The following SGCZ variants were observed in gnomAD, a reference collection of about 807,000 sequenced individuals.
SGCZ encodes the protein sarcoglycan zeta.
SGCZ carries 40 observed loss-of-function variants against 41.3 expected under a neutral mutation model. The observed-to-expected ratio is 0.97, with a 90% confidence interval of 0.75 to 1.26. The LOEUF (loss-of-function observed/expected upper bound fraction) is 1.26. Ranked by LOEUF, SGCZ falls within the 50% of genes most tolerant of loss-of-function variation. The pLI is 0.00. For synonymous variants in SGCZ, 206 were observed against 137.5 expected (o/e 1.50, Z -3.49); for missense variants, 552 against 369.8 (o/e 1.49, Z -4.04).
At chr8:14,593,902 C>T (rs1315646775) in intron 1 of SGCZ, among the ~76,000 whole-genome samples, 5 of 152,180 alleles carry the variant, frequency 3.3e-5, no homozygotes, top group Non-Finnish European at 7.4e-5. Context: ...AGGGCAGGTG[C>T]CGTGGCTCAT....
intron 3 of SGCZ, among the ~76,000 whole-genome samples, chr8:14,242,197 G>T (rs1172721778): frequency 6.6e-6 from 1 of 152,178 alleles, no homozygotes; most frequent in Non-Finnish European, 1.5e-5. Flanking sequence ...GGTGTTTCAG[G>T]TAAGGATTTA....
At chr8:14,262,019 G>A (rs766911724) in intron 3 of SGCZ, among the ~76,000 whole-genome samples, 8 of 152,072 alleles carry the variant, frequency 5.3e-5, no homozygotes, top group African/African-American at 1.2e-4. Context: ...ATTTAAGCAC[G>A]ACAAAATAGG....
intron 1 of SGCZ, among the ~76,000 whole-genome samples, chr8:14,695,961 T>C (rs1380200512): frequency 3.9e-5 from 6 of 152,192 alleles, no homozygotes; most frequent in East Asian, 1.9e-4. Context: ...ACCTTCCAAA[T>C]TGCTTCTACA....
At chr8:14,784,448 T>G (rs1013275735) in intron 1 of SGCZ, among the ~76,000 whole-genome samples, 2 of 152,048 alleles carry the variant, frequency 1.3e-5, no homozygotes, top group Non-Finnish European at 2.9e-5. Context: ...TTTGTCATAC[T>G]TAAAAAATAG....
intron 1 of SGCZ, among the ~76,000 whole-genome samples, chr8:14,794,377 A>G (rs985974868): frequency 7.9e-5 from 12 of 152,294 alleles, no homozygotes; most frequent in African/African-American, 2.4e-4. Flanking sequence ...AGGATTATAT[A>G]AAAGAAAAGA....
At chr8:14,458,334 T>C (rs1800807931) in intron 2 of SGCZ, among the ~76,000 whole-genome samples, 1 of 152,186 alleles carries the variant, frequency 6.6e-6, no homozygotes, top group African/African-American at 2.4e-5. Context: ...TTTTACTGGA[T>C]ATCATAATGC....
intron 2 of SGCZ, among the ~76,000 whole-genome samples, chr8:14,520,970 G>C (rs1802771424): frequency 1.3e-5 from 2 of 152,106 alleles, no homozygotes; most frequent in Non-Finnish European, 2.9e-5. Flanking sequence ...GAAGATAGCA[G>C]TATATAATTG....
chr8:14,261,354 T>C (rs894530732), intron 3 of SGCZ, among the ~76,000 whole-genome samples: 1 of 152,170 alleles, frequency 6.6e-6, no homozygotes, highest in Non-Finnish European at 1.5e-5. Flanking sequence ...AAACAAAAAA[T>C]TCAGCGTAGG....
chr8:14,476,352 A>G (rs1467136105), intron 2 of SGCZ, among the ~76,000 whole-genome samples: 4 of 152,130 alleles, frequency 2.6e-5, no homozygotes, highest in Non-Finnish European at 5.9e-5. Context: ...GTGGGCCTCC[A>G]TAATAATGAA....
chr8:15,161,479 CAGGGCTG>C (rs965747579), intron 1 of SGCZ, among the ~76,000 whole-genome samples: 4 of 152,220 alleles, frequency 2.6e-5, no homozygotes, highest in Admixed American at 6.5e-5. Context: ...TCATGAGGGC[CAGGGCTG>C]TATGTGTTTT....
chr8:15,040,597 G>C (rs1395398884), intron 1 of SGCZ, among the ~76,000 whole-genome samples: 1 of 152,144 alleles, frequency 6.6e-6, no homozygotes, highest in East Asian at 1.9e-4. Context: ...CTCCAGCCTG[G>C]GCAACAAGAG....
rs532438172 is a variant in SGCZ at position 14,271,982 on chromosome 8, C to G, written c.337-34303G>C. Among the ~76,000 whole-genome samples the G allele has an allele frequency of 1.8e-3, 279 of 152,178 alleles. 2 individuals are homozygous for G. The highest frequency in any genetic ancestry group is 2.7e-3 in the Non-Finnish European group (184 of 68,006). On this transcript the variant is annotated intron_variant, in intron 3 of 7. Coordinates refer to ENST00000382080, the MANE Select transcript of SGCZ (RefSeq NM_139167.4). ...TGGACAAATTTTCATATATTGCATG[C>G]TTTCATTCACTTACCAATGCCCTAA...
chr8:14,911,050 G>A (rs1177929596), intron 1 of SGCZ, among the ~76,000 whole-genome samples: 2 of 152,040 alleles, frequency 1.3e-5, no homozygotes, highest in Non-Finnish European at 2.9e-5. Flanking sequence ...TTAAAGGGAT[G>A]CTTCTGCATA....
chr8:14,381,136 C>A (rs117566865), intron 2 of SGCZ, among the ~76,000 whole-genome samples: 4,042 of 152,108 alleles, frequency 0.027, 102 homozygotes, highest in East Asian at 0.099. Flanking sequence ...TTTGAACCAG[C>A]CTAAAGATAC....
At chr8:14,720,035 G>C (rs1697666206) in intron 1 of SGCZ, among the ~76,000 whole-genome samples, 2 of 151,932 alleles carry the variant, frequency 1.3e-5, no homozygotes, top group Admixed American at 1.3e-4. Flanking sequence ...TTTTGTAGAA[G>C]GTGTAAGGAA....
chr8:15,000,582 T>C (rs932186379), intron 1 of SGCZ, among the ~76,000 whole-genome samples: 15 of 152,186 alleles, frequency 9.9e-5, no homozygotes, highest in African/African-American at 3.6e-4. Context: ...ATGTTCAAGA[T>C]GGCGGCTCCA....
intron 1 of SGCZ, among the ~76,000 whole-genome samples, chr8:14,887,841 T>A (rs773560957): frequency 3.3e-5 from 5 of 152,170 alleles, no homozygotes; most frequent in African/African-American, 7.2e-5. Context: ...TACTCCAGAT[T>A]CATCCATATA....
intron 1 of SGCZ, among the ~76,000 whole-genome samples, chr8:15,019,453 C>A (rs1401907088): frequency 1.3e-5 from 2 of 152,130 alleles, no homozygotes; most frequent in Admixed American, 6.5e-5. Flanking sequence ...CCAAATTGTG[C>A]AGCTCTCTTT....
At chr8:14,390,986 T>G (rs908984751) in intron 2 of SGCZ, among the ~76,000 whole-genome samples, 1 of 152,058 alleles carries the variant, frequency 6.6e-6, no homozygotes, top group East Asian at 1.9e-4. Context: ...TGAAAAAGCA[T>G]AGCAAATAAA....
Sources: allele counts gnomAD v4.1 joint callset (sites outside exome capture counted in the v4.1 genomes callset), GRCh38; gene constraint gnomAD v4.1.1; transcripts MANE v1.5; gene names NCBI Gene and HGNC (gene_info 2026-07-23, HGNC 2026-07-21).